Variants in CHRM3 observed in about 807,000 individuals in gnomAD.
CHRM3 encodes cholinergic receptor muscarinic 3.
Under a neutral mutation model 41.8 loss-of-function variants are expected in CHRM3, and 11 were observed. That is an observed-to-expected ratio of 0.26 (90% CI 0.17 to 0.44). CHRM3 has a LOEUF of 0.44. Ranked by LOEUF, CHRM3 falls within the 20% of genes least tolerant of loss-of-function variation. The pLI, the probability that CHRM3 is intolerant of heterozygous loss-of-function variation, is 1.00. For missense variants in CHRM3, 571 were observed against 745.4 expected (o/e 0.77, Z 2.72); for synonymous variants, 297 against 301.4 (o/e 0.99, Z 0.15).
chr1:239,501,879 C>T lies in CHRM3; in HGVS notation c.-422+9072C>T, dbSNP rs572481527. On this transcript the variant is annotated intron_variant, in intron 2 of 6. Transcript: ENST00000676153. The stretch of plus-strand genomic sequence containing the variant: ...CAAAAAAAAAATTCTTTGAACTGAA[C>T]GACAGTAATGACACAACCTATCAAA... Among the ~76,000 whole-genome samples the T allele has an allele frequency of 5.3e-5, 8 of 151,998 alleles. No homozygotes were observed. In the South Asian group the frequency reaches 1.5e-3, roughly 28 times the overall value.
intron 6 of CHRM3, among the ~76,000 whole-genome samples, chr1:239,897,175 TCTA>T (rs1172640465): frequency 1.3e-5 from 2 of 152,218 alleles, no homozygotes; most frequent in Non-Finnish European, 2.9e-5. Context: ...CCACATTGCT[TCTA>T]CTCTCTTTGC....
At chr1:239,664,224 C>T (rs765381706) in intron 4 of CHRM3, among the ~76,000 whole-genome samples, 2 of 152,174 alleles carry the variant, frequency 1.3e-5, no homozygotes, top group Non-Finnish European at 2.9e-5. Flanking sequence ...GTTATCTTCA[C>T]GTAAGTCATC....
chr1:239,845,341 T>C (rs1674177288), intron 6 of CHRM3, among the ~76,000 whole-genome samples: 1 of 152,028 alleles, frequency 6.6e-6, no homozygotes, highest in African/African-American at 2.4e-5. Context: ...AGGTTTTTAT[T>C]TTTGTTTTGG....
chr1:239,533,744 AAAAAAAC>A lies in CHRM3; in HGVS notation c.-421-11890_-421-11884del, dbSNP rs1236346763. Among the ~76,000 whole-genome samples, 186 of 149,344 alleles carry A rather than the reference AAAAAAAC, an allele frequency of 1.2e-3. 1 individual carries two copies. The highest frequency in any genetic ancestry group is 3.4e-3 in the Middle Eastern group (1 of 292). On this transcript the variant is annotated intron_variant, in intron 2 of 6. Coordinates refer to ENST00000676153, the MANE Select transcript of CHRM3 (RefSeq NM_001375978.1). Reference sequence around the variant, plus strand: ...CAAACTCTGTCTCAAAAAAAAAAAAAAAAAAACAAAAAAACCCTTAAAAACCATCAGA... The same window carrying A: ...CAAACTCTGTCTCAAAAAAAAAAAAAAAAAAAACCCTTAAAAACCATCAGA...
chr1:239,606,573 C>T (rs556203366), intron 3 of CHRM3, among the ~76,000 whole-genome samples: 156 of 152,250 alleles, frequency 1.0e-3, no homozygotes, highest in Non-Finnish European at 1.6e-3. Context: ...CGCGCCTGAC[C>T]GTAGATTTCT....
chr1:239,420,655 C>T (rs2103097765), intron 1 of CHRM3, among the ~76,000 whole-genome samples: 1 of 152,284 alleles, frequency 6.6e-6, no homozygotes, highest in East Asian at 1.9e-4. Context: ...TAAAAATACC[C>T]TCTATCTTTT....
intron 5 of CHRM3, among the ~76,000 whole-genome samples, chr1:239,781,418 G>C (rs911877962): frequency 2.6e-5 from 4 of 152,166 alleles, no homozygotes; most frequent in Admixed American, 2.0e-4. Flanking sequence ...GTACAGGAAA[G>C]CAATGGACTG....
intron 6 of CHRM3, among the ~76,000 whole-genome samples, chr1:239,843,447 C>CTTT (rs34901177): frequency 7.4e-5 from 6 of 81,210 alleles, no homozygotes; most frequent in South Asian, 5.0e-4. Flanking sequence ...ACTCGCTTTC[C>CTTT]TTTTTTTTTT....
chr1:239,473,512 G>T (rs1421200282), intron 1 of CHRM3, among the ~76,000 whole-genome samples: 1 of 152,130 alleles, frequency 6.6e-6, no homozygotes, highest in African/African-American at 2.4e-5. Flanking sequence ...AAGTAATTTT[G>T]TGTAACTAAT....
At chr1:239,598,130 G>A (rs1202824440) in intron 3 of CHRM3, among the ~76,000 whole-genome samples, 1 of 152,108 alleles carries the variant, frequency 6.6e-6, no homozygotes, top group Non-Finnish European at 1.5e-5. Flanking sequence ...ACGACTACCA[G>A]GGCAGGTGAG....
chr1:239,632,353 C>T lies in CHRM3; in HGVS notation c.-250+67C>T, dbSNP rs149157312. 2.3e-3 allele frequency: 354 copies of T among 152,248 alleles called. 3 individuals carry two copies. The highest frequency in any genetic ancestry group is 8.3e-3 in the African/African-American group (344 of 41,532). The allele number at this position is 152,248 out of a possible 1,614,324, so 9.4% of individuals were successfully genotyped here. Reference sequence around the variant, plus strand: ...GGATTGATGGCCCAATCTGTGAGAACAGATTAACAAGGAATAAGAATGTAT... The same window carrying T: ...GGATTGATGGCCCAATCTGTGAGAATAGATTAACAAGGAATAAGAATGTAT... On this transcript the variant is annotated intron_variant, in intron 4 of 6. Transcript: ENST00000676153.
intron 4 of CHRM3, among the ~76,000 whole-genome samples, chr1:239,671,342 C>T (rs928974170): frequency 7.2e-5 from 11 of 152,118 alleles, no homozygotes; most frequent in South Asian, 2.1e-4. Context: ...CTTGGGAGAC[C>T]GTACAGAGAG....
chr1:239,619,975 T>C (rs1668177107), intron 3 of CHRM3, among the ~76,000 whole-genome samples: 1 of 152,170 alleles, frequency 6.6e-6, no homozygotes, highest in Non-Finnish European at 1.5e-5. Flanking sequence ...GGCTAAAGAA[T>C]AGTATTTTAA....
chr1:239,629,453 A>C (rs1669538836), intron 3 of CHRM3: 1 of 152,380 alleles, frequency 6.6e-6, no homozygotes, highest in African/African-American at 2.5e-5. Flanking sequence ...TGCAGAAATC[A>C]CCCGTCTTCT....
chr1:239,415,554 A>G (rs867255639), intron 1 of CHRM3, among the ~76,000 whole-genome samples: 6 of 152,264 alleles, frequency 3.9e-5, no homozygotes, highest in African/African-American at 1.2e-4. Flanking sequence ...CTTGAGGAAA[A>G]TATAAAGTTG....
At chr1:239,756,448 T>C (rs1357475676) in intron 5 of CHRM3, among the ~76,000 whole-genome samples, 1 of 152,214 alleles carries the variant, frequency 6.6e-6, no homozygotes, top group Non-Finnish European at 1.5e-5. Context: ...GTATTCTTAT[T>C]TGTGGATTAG....
chr1:239,449,922 G>A (rs146983230), intron 1 of CHRM3, among the ~76,000 whole-genome samples: 12 of 152,234 alleles, frequency 7.9e-5, no homozygotes, highest in African/African-American at 2.2e-4. Context: ...GTTGAGTTCC[G>A]GCTTTCAAAT....
chr1:239,551,187 G>A (rs1254505500), intron 3 of CHRM3, among the ~76,000 whole-genome samples: 5 of 103,448 alleles, frequency 4.8e-5, no homozygotes, highest in Admixed American at 2.7e-4. Context: ...AGGGAGTTTC[G>A]GTTTCACTCC....
At chr1:239,416,604 C>T (rs1319570873) in intron 1 of CHRM3, among the ~76,000 whole-genome samples, 1 of 152,072 alleles carries the variant, frequency 6.6e-6, no homozygotes, top group Non-Finnish European at 1.5e-5. Context: ...AAAATGATTT[C>T]AAGAACCACT....
Sources: allele counts gnomAD v4.1 joint callset (sites outside exome capture counted in the v4.1 genomes callset), GRCh38; gene constraint gnomAD v4.1.1; transcripts MANE v1.5; gene names NCBI Gene and HGNC (gene_info 2026-07-23, HGNC 2026-07-21).